The following POLI variants were observed in gnomAD, a reference collection of about 807,000 sequenced individuals.
POLI encodes the protein RAD30 homolog B.
Under a neutral mutation model 51.6 loss-of-function variants are expected in POLI, and 58 were observed. The ratio of observed to expected loss-of-function variants is 1.12; its 90% CI spans 0.91 to 1.40. The LOEUF is 1.40. POLI is among the 40% of genes most tolerant of loss of function. The probability of loss-of-function intolerance (pLI) is 0.00; values close to 1 mark genes in which losing one functional copy is unlikely to be tolerated. For missense variants in POLI, 921 were observed against 871.3 expected (o/e 1.06, Z -0.72); for synonymous variants, 322 against 299.7 (o/e 1.07, Z -0.77).
chr18:54,293,549 G>A, intron 9 of POLI, 100 bp from the exon 10 acceptor site: 1 of 801,276 alleles, frequency 1.2e-6, no homozygotes. Context: ...TGTTGAGTAG[G>A]TTAGAAACAT....
chr18:54,279,340 T>C (rs555594418), intron 4 of POLI, among the ~76,000 whole-genome samples: 1 of 151,412 alleles, frequency 6.6e-6, no homozygotes, highest in South Asian at 2.1e-4. Context: ...CCTCCTGGGT[T>C]CAAGCAATTC....
chr18:54,285,186 C>A (rs580504), intron 7 of POLI, among the ~76,000 whole-genome samples: 58,710 of 151,954 alleles, frequency 0.39, 14,311 homozygotes, highest in African/African-American at 0.69. Context: ...ACTGGCCTCC[C>A]GTGATATGAC....
chr18:54,278,330 T>C (rs1568123485), intron 4 of POLI, among the ~76,000 whole-genome samples: 1 of 152,230 alleles, frequency 6.6e-6, no homozygotes, highest in African/African-American at 2.4e-5. Flanking sequence ...CTGTAGGTCA[T>C]TCTTAAGTTG....
In POLI at chr18:54,293,988, A is replaced by T; in HGVS notation, c.1744A>T (p.Ile582Leu). The part of the protein sequence containing the change: ...FSKKQMQDIP[I>L]NPRDHLSSSK... Reference sequence around the variant, plus strand: ...TAAAAAACAAATGCAAGATATTCCCATAAATCCTAGAGATCATTTATCCAG... The same window carrying T: ...TAAAAAACAAATGCAAGATATTCCCTTAAATCCTAGAGATCATTTATCCAG... Residue 582 changes from isoleucine (I) to leucine (L), a missense_variant, in exon 10 of 10, where the codon ATA becomes TTA. By Grantham distance (5) the Ile-to-Leu change is conservative (BLOSUM62 2). Transcript: ENST00000579534. 1 of 1,613,310 alleles carries T rather than the reference A, an allele frequency of 6.2e-7. No homozygotes were observed. The highest frequency in any genetic ancestry group is 1.1e-5 in the South Asian group (1 of 91,074).
intron 2 of POLI, among the ~76,000 whole-genome samples, chr18:54,273,295 T>C (rs1263335686): frequency 6.6e-6 from 1 of 151,672 alleles, no homozygotes; most frequent in Non-Finnish European, 1.5e-5. Context: ...TATTATATTT[T>C]ATATTGCTTT....
At chr18:54,316,710 G>T (rs1036031408) in intron 3 of POLI, among the ~76,000 whole-genome samples, 1 of 152,172 alleles carries the variant, frequency 6.6e-6, no homozygotes, top group African/African-American at 2.4e-5. Flanking sequence ...GAGTAACAAT[G>T]AGGAAACTGC....
intron 4 of POLI, among the ~76,000 whole-genome samples, chr18:54,280,448 C>G (rs2087443848): frequency 6.6e-6 from 1 of 152,166 alleles, no homozygotes; most frequent in African/African-American, 2.4e-5. Flanking sequence ...CCTGTGATCC[C>G]AACACCTCCC....
At position 54,297,332 on chromosome 18, in the gene POLI, T is replaced by C; in HGVS notation, c.*2865T>C. 1 of 980,082 alleles carries C rather than the reference T, an allele frequency of 1.0e-6. No individual in the cohort carries two copies. The highest frequency in any genetic ancestry group is 1.2e-6 in the Non-Finnish European group (1 of 825,272). The allele number at this position is 980,082 out of a possible 1,614,324, so 60.7% of individuals were successfully genotyped here. ...GTTTCTGTCTTGAATGTAGAGGGTA[T>C]TTTTATTTTTATTTTTTCTGTTTCT... is the stretch of plus-strand genomic sequence containing the variant. On this transcript the variant is annotated 3_prime_UTR_variant, in exon 10 of 10. Transcript: ENST00000579534.
Position 54,294,824 on chromosome 18 carries a change from T to A in POLI, c.*357T>A, listed in dbSNP as rs2088228950. The A allele has an allele frequency of 7.1e-6, 7 of 988,310 alleles. No homozygotes were observed. The highest frequency in any genetic ancestry group is 8.4e-6 in the Non-Finnish European group (7 of 831,666). The allele number at this position is 988,310 out of a possible 1,614,324, so 61.2% of individuals were successfully genotyped here. Reference sequence around the variant, plus strand: ...ATATGGTAAAGGACACATTTTTTTTTTTTTTTTCCTGTGAAATGTGGAATA... The same window carrying A: ...ATATGGTAAAGGACACATTTTTTTTATTTTTTTCCTGTGAAATGTGGAATA... On this transcript the variant is annotated 3_prime_UTR_variant, in exon 10 of 10. Transcript: ENST00000579534.
At chr18:54,316,713 G>A (rs959963149) in intron 3 of POLI, among the ~76,000 whole-genome samples, 1 of 152,150 alleles carries the variant, frequency 6.6e-6, no homozygotes, top group African/African-American at 2.4e-5. Context: ...TAACAATGAG[G>A]AAACTGCTTT....
At chr18:54,292,402 A>G (rs1465760450) in intron 9 of POLI, among the ~76,000 whole-genome samples, 1 of 152,144 alleles carries the variant, frequency 6.6e-6, no homozygotes, top group Non-Finnish European at 1.5e-5. Context: ...CACATGAGCT[A>G]CTAGTACCTT....
At chr18:54,315,427 A>G (rs565033142) in intron 3 of POLI, among the ~76,000 whole-genome samples, 39 of 152,274 alleles carry the variant, frequency 2.6e-4, no homozygotes, top group African/African-American at 8.9e-4. Context: ...GATGAGAAGA[A>G]TGTATATTCT....
At chr18:54,310,540 AATTGATTCATGTTAACAATT>A (rs1342505360) in intron 3 of POLI, among the ~76,000 whole-genome samples, 1 of 151,876 alleles carries the variant, frequency 6.6e-6, no homozygotes, top group Non-Finnish European at 1.5e-5. Context: ...TGTTTTATAA[AATTGATTCATGTTAACAATT>A]TTAGTTCACA....
At chr18:54,299,200 C>T (rs753409134), downstream of POLI, among the ~76,000 whole-genome samples, 8 of 152,184 alleles carry the variant, frequency 5.3e-5, no homozygotes, top group South Asian at 6.2e-4. Flanking sequence ...TTTGGGAGGC[C>T]GAGGCTGGTG....
intron 7 of POLI, among the ~76,000 whole-genome samples, chr18:54,286,803 G>C (rs1214573419): frequency 2.6e-5 from 4 of 152,092 alleles, no homozygotes; most frequent in African/African-American, 9.7e-5. Context: ...AATTAGCCAG[G>C]TGTGGTCACA....
intron 4 of POLI, among the ~76,000 whole-genome samples, chr18:54,279,555 T>C (rs978198184): frequency 5.9e-5 from 9 of 152,180 alleles, no homozygotes; most frequent in Non-Finnish European, 1.3e-4. Flanking sequence ...TTATGTCCTT[T>C]CTTGTAGATA....
chr18:54,278,299 A>C (rs1196149326), intron 4 of POLI, among the ~76,000 whole-genome samples: 1 of 152,184 alleles, frequency 6.6e-6, no homozygotes, highest in Non-Finnish European at 1.5e-5. Flanking sequence ...CCATCTCTTA[A>C]GGAAACAAAA....
intron 8 of POLI, 53 bp from the exon 9 acceptor site, chr18:54,291,780 A>G (rs183888603): frequency 9.8e-6 from 8 of 819,946 alleles, no homozygotes. Context: ...AATATAAAAT[A>G]TATTATGCTC....
chr18:54,316,607 C>G (rs943715263), intron 3 of POLI, among the ~76,000 whole-genome samples: 2 of 151,994 alleles, frequency 1.3e-5, no homozygotes, highest in Non-Finnish European at 2.9e-5. Flanking sequence ...AAAGTTGGTA[C>G]ATAAAAGTGG....
Sources: allele counts gnomAD v4.1 joint callset (sites outside exome capture counted in the v4.1 genomes callset), GRCh38; gene constraint gnomAD v4.1.1; transcripts MANE v1.5; gene names NCBI Gene and HGNC (gene_info 2026-07-23, HGNC 2026-07-21).